TBCCD1: variants seen among roughly 807,000 people sequenced by gnomAD.
TBCCD1 encodes TBCC domain-containing protein 1.
A neutral mutation model predicts 53.4 loss-of-function variants in TBCCD1; 26 were observed. The ratio of observed to expected loss-of-function variants is 0.49; its 90% CI spans 0.36 to 0.68. The LOEUF (loss-of-function observed/expected upper bound fraction) is 0.68, where lower values mean the gene tolerates loss of function less well. Ranked by LOEUF, TBCCD1 falls within the 30% of genes least tolerant of loss-of-function variation. The pLI is 0.00. For synonymous variants in TBCCD1, 245 were observed against 241.7 expected (o/e 1.01, Z -0.13); for missense variants, 558 against 669.5 (o/e 0.83, Z 1.84).
chr3:186,567,858 T>G (rs1477394744), upstream of TBCCD1, among the ~76,000 whole-genome samples: 2 of 152,232 alleles, frequency 1.3e-5, no homozygotes, highest in African/African-American at 4.8e-5. Flanking sequence ...TGGCACTCCC[T>G]GCCGCCCCTC....
intron 2 of TBCCD1, among the ~76,000 whole-genome samples, chr3:186,561,764 G>A (rs1205190958): frequency 6.6e-6 from 1 of 152,144 alleles, no homozygotes; most frequent in Non-Finnish European, 1.5e-5. Flanking sequence ...GCTCCAGCCT[G>A]GGCGACAGAG....
chr3:186,547,837 G>A, intron 7 of TBCCD1, among the ~76,000 whole-genome samples: 1 of 151,562 alleles, frequency 6.6e-6, no homozygotes, highest in Middle Eastern at 3.2e-3. Flanking sequence ...TTGATCTCCT[G>A]ACCTCGTGAT....
chr3:186,562,608 C>T (rs934290460), intron 2 of TBCCD1, among the ~76,000 whole-genome samples: 2 of 152,088 alleles, frequency 1.3e-5, no homozygotes, highest in African/African-American at 4.8e-5. Context: ...AAGATCTACT[C>T]TACAGCATAC....
chr3:186,563,278 A>G (rs757419710), intron 2 of TBCCD1, among the ~76,000 whole-genome samples: 59 of 152,248 alleles, frequency 3.9e-4, no homozygotes, highest in Non-Finnish European at 7.5e-4. Context: ...CTTGATTAAT[A>G]TACTTTCTCT....
chr3:186,548,494 T>C (rs1714276154), intron 7 of TBCCD1, among the ~76,000 whole-genome samples: 1 of 152,248 alleles, frequency 6.6e-6, no homozygotes, highest in South Asian at 2.1e-4. Flanking sequence ...CTGAATTCTT[T>C]ACTTTAAAAA....
rs143624263 is a variant in TBCCD1, at chr3:186,554,169, C to T, written c.1544+85G>A. The T allele has an allele frequency of 2.6e-4, 405 of 1,564,728 alleles. 1 individual carries two copies. The African/African-American group carries it at 4.9e-3, about 19-fold the overall frequency. On this transcript the variant is annotated intron_variant, in intron 6 of 7. Transcript: ENST00000338733. The stretch of plus-strand genomic sequence containing the variant: ...AGCCTTACATTTTTTATTACTTTAG[C>T]ACAGCTGTAAAAATGTGCAGACTAA...
intron 4 of TBCCD1, 60 bp downstream of exon 4, chr3:186,556,342 TATTAGAA>T (rs1714538789): frequency 6.5e-7 from 1 of 1,537,374 alleles, no homozygotes; most frequent in Non-Finnish European, 8.7e-7. Context: ...ATCACTAATA[TATTAGAA>T]AACACTAGGT....
chr3:186,562,212 G>C (rs1714709039), intron 2 of TBCCD1, among the ~76,000 whole-genome samples: 1 of 152,172 alleles, frequency 6.6e-6, no homozygotes, highest in African/African-American at 2.4e-5. Flanking sequence ...AGGCATGATA[G>C]CACACACCTG....
chr3:186,555,986 G>A lies in TBCCD1; in HGVS notation c.859+423C>T, dbSNP rs560867602. On this transcript the variant is annotated intron_variant, in intron 4 of 7. Transcript: ENST00000338733. Reference sequence around the variant, plus strand: ...AACACAGTCACACCGTTACGTGACTGCCTTCTCAGACTGTACCTCCCTGCA... The same window carrying A: ...AACACAGTCACACCGTTACGTGACTACCTTCTCAGACTGTACCTCCCTGCA... Among the ~76,000 whole-genome samples the A allele has an allele frequency of 1.3e-5, 2 of 152,176 alleles. 1 individual carries two copies. The highest frequency in any genetic ancestry group is 3.9e-4 in the East Asian group (2 of 5,170).
chr3:186,547,716 C>T (rs921317478), intron 7 of TBCCD1, among the ~76,000 whole-genome samples: 2 of 151,550 alleles, frequency 1.3e-5, no homozygotes, highest in Admixed American at 1.3e-4. Context: ...ACGCCATTCT[C>T]CTGCCTCAGC....
At chr3:186,553,353 A>T (rs557090075) in intron 6 of TBCCD1, 1 of 152,360 alleles carries the variant, frequency 6.6e-6, no homozygotes, top group South Asian at 2.1e-4. Context: ...GCTTTAAAAG[A>T]ATGTTTTTTC....
chr3:186,561,094 G>C (rs1384101143), intron 2 of TBCCD1, among the ~76,000 whole-genome samples: 1 of 152,080 alleles, frequency 6.6e-6, no homozygotes, highest in Non-Finnish European at 1.5e-5. Flanking sequence ...CAAAAGCACA[G>C]GCAACCAATG....
chr3:186,558,938 T>C (rs1056958233), intron 2 of TBCCD1, among the ~76,000 whole-genome samples: 1 of 152,090 alleles, frequency 6.6e-6, no homozygotes, highest in Non-Finnish European at 1.5e-5. Flanking sequence ...AGAGATAGGG[T>C]TTCACCATGT....
In TBCCD1 at chr3:186,558,536, A is replaced by AT; in HGVS notation, c.372dup (p.Tyr125IlefsTer30). 6.2e-7 allele frequency: 1 copy of AT among 1,614,184 alleles called. No individual in the cohort carries two copies. The highest frequency in any genetic ancestry group is 1.3e-5 in the African/African-American group (1 of 75,060). Reference sequence around the variant, plus strand: ...GAGACCTTGTTCAACTGTTGAATGTATAAGAAGAGCAGAAACTGTAGCGTG... The same window carrying AT: ...GAGACCTTGTTCAACTGTTGAATGTATTAAGAAGAGCAGAAACTGTAGCGTG... On this transcript the variant is annotated frameshift_variant, in exon 3 of 8. Coordinates refer to ENST00000338733, the MANE Select transcript of TBCCD1 (RefSeq NM_018138.5). LOFTEE classifies it high-confidence loss of function.
At chr3:186,556,883 G>T in intron 3 of TBCCD1, 108 bp from the exon 4 acceptor site, 1 of 1,335,104 alleles carries the variant, frequency 7.5e-7, no homozygotes, top group East Asian at 2.5e-5. Flanking sequence ...CCCCCAAAAG[G>T]AATTAGGTAG....
chr3:186,558,611 A>T (rs1258258677), intron 2 of TBCCD1, 39 bp from the exon 3 acceptor site: 1 of 1,599,094 alleles, frequency 6.3e-7, no homozygotes, highest in South Asian at 1.1e-5. Context: ...AGACGTTTTA[A>T]AACATCAACC....
chr3:186,561,317 T>C (rs59707692), intron 2 of TBCCD1, among the ~76,000 whole-genome samples: 3,820 of 152,220 alleles, frequency 0.025, 150 homozygotes, highest in African/African-American at 0.087. Context: ...GACATACAAA[T>C]GGCCAACAGG....
intron 2 of TBCCD1, among the ~76,000 whole-genome samples, chr3:186,559,802 G>A (rs1014717716): frequency 2.6e-5 from 4 of 151,994 alleles, no homozygotes; most frequent in Admixed American, 2.0e-4. Flanking sequence ...CCCTTTACCC[G>A]CCTTGCCAAA....
upstream of TBCCD1, chr3:186,570,274 C>G (rs1714977505): frequency 3.5e-6 from 2 of 564,924 alleles, no homozygotes; most frequent in Middle Eastern, 3.0e-4. Flanking sequence ...CTCATTCGGC[C>G]GCTGTACCTC....
Sources: allele counts gnomAD v4.1 joint callset (sites outside exome capture counted in the v4.1 genomes callset), GRCh38; gene constraint gnomAD v4.1.1; transcripts MANE v1.5; gene names NCBI Gene and HGNC (gene_info 2026-07-23, HGNC 2026-07-21).